PAPSS1: variants seen among roughly 807,000 people sequenced by gnomAD.
PAPSS1 encodes bifunctional 3'-phosphoadenosine 5'-phosphosulfate synthase 1.
A neutral mutation model predicts 72.0 loss-of-function variants in PAPSS1; 50 were observed. That is an observed-to-expected ratio of 0.69 (90% CI 0.55 to 0.88). The LOEUF (loss-of-function observed/expected upper bound fraction) is 0.88. Among genes scored for constraint, PAPSS1 ranks in the 40% least tolerant of loss-of-function variants. The probability of loss-of-function intolerance (pLI) is 0.00; values close to 1 mark genes in which losing one functional copy is unlikely to be tolerated. For synonymous variants in PAPSS1, 261 were observed against 263.6 expected, an observed-to-expected ratio of 0.99 and a Z score of 0.09; for missense variants, 657 against 782.2, an observed-to-expected ratio of 0.84 and a Z score of 1.91.
intron 5 of PAPSS1, among the ~76,000 whole-genome samples, chr4:107,675,193 C>A (rs891237124): frequency 3.5e-4 from 53 of 152,158 alleles, no homozygotes; most frequent in African/African-American, 1.3e-3. Flanking sequence ...CAGAGCAGAA[C>A]TGAAGGAAAC....
chr4:107,624,954 G>A (rs922164400), intron 11 of PAPSS1, among the ~76,000 whole-genome samples: 9 of 152,164 alleles, frequency 5.9e-5, no homozygotes, highest in Admixed American at 4.6e-4. Flanking sequence ...CACAAGAAAC[G>A]TTTCAGTGGT....
intron 11 of PAPSS1, among the ~76,000 whole-genome samples, chr4:107,616,934 C>T (rs1431772099): frequency 6.6e-6 from 1 of 152,144 alleles, no homozygotes; most frequent in Non-Finnish European, 1.5e-5. Flanking sequence ...ATAATGATCT[C>T]ATCAATAATC....
At chr4:107,620,147 A>G (rs1725918634) in intron 11 of PAPSS1, among the ~76,000 whole-genome samples, 1 of 152,238 alleles carries the variant, frequency 6.6e-6, no homozygotes, top group Non-Finnish European at 1.5e-5. Flanking sequence ...CGATTAGACC[A>G]GCTTTTTAAA....
intron 11 of PAPSS1, 24 bp from the exon 12 acceptor site, chr4:107,614,411 A>G: frequency 6.3e-7 from 1 of 1,575,714 alleles, no homozygotes. Context: ...AAAAAAGAAA[A>G]TTATTTCATA....
chr4:107,651,157 G>C (rs939473679), intron 9 of PAPSS1, among the ~76,000 whole-genome samples: 11 of 152,206 alleles, frequency 7.2e-5, no homozygotes, highest in African/African-American at 2.6e-4. Context: ...TCAAAATCAG[G>C]AGTAAAGTAT....
intron 2 of PAPSS1, among the ~76,000 whole-genome samples, chr4:107,698,659 A>G (rs917326204): frequency 6.6e-6 from 1 of 152,202 alleles, no homozygotes; most frequent in Non-Finnish European, 1.5e-5. Context: ...AGAAAAACCT[A>G]AACTGTAATT....
intron 11 of PAPSS1, among the ~76,000 whole-genome samples, chr4:107,630,324 T>C (rs139501345): frequency 1.3e-3 from 200 of 152,352 alleles, no homozygotes; most frequent in African/African-American, 4.5e-3. Context: ...CCCACACAAA[T>C]TCCATCTTGA....
chr4:107,673,817 A>G (rs1297854406), intron 5 of PAPSS1, among the ~76,000 whole-genome samples: 1 of 152,220 alleles, frequency 6.6e-6, no homozygotes, highest in Non-Finnish European at 1.5e-5. Context: ...GTTACCCAAA[A>G]AGGGAAGCCC....
chr4:107,678,389 G>A (rs1578416526), intron 5 of PAPSS1, among the ~76,000 whole-genome samples: 6 of 152,096 alleles, frequency 3.9e-5, no homozygotes. Flanking sequence ...CCAAAAGAGA[G>A]CATCACCTAA....
intron 9 of PAPSS1, among the ~76,000 whole-genome samples, chr4:107,649,294 C>T (rs1726779072): frequency 6.6e-6 from 1 of 152,248 alleles, no homozygotes; most frequent in South Asian, 2.1e-4. Context: ...CTGGCTGTGC[C>T]AGTGACCCTG....
Position 107,666,551 on chromosome 4 carries a change from G to A in PAPSS1, c.670-6479C>T, listed in dbSNP as rs546969690. On this transcript the variant is annotated intron_variant, in intron 5 of 11. Transcript: ENST00000265174. ...AGAGAAGGCAACCCAGAAAATGACAGAGAATTCTTAACTTTATGTAAAGTA... is the reference window on the plus strand; with the variant it reads ...AGAGAAGGCAACCCAGAAAATGACAAAGAATTCTTAACTTTATGTAAAGTA... Among the ~76,000 whole-genome samples, 4 of 152,272 alleles carry A rather than the reference G, an allele frequency of 2.6e-5. No individual in the cohort carries two copies. In the East Asian group the frequency reaches 7.7e-4, roughly 29 times the overall value.
At chr4:107,628,939 C>CTACCTG (rs1163938547) in intron 11 of PAPSS1, among the ~76,000 whole-genome samples, 5 of 152,180 alleles carry the variant, frequency 3.3e-5, no homozygotes, top group Admixed American at 6.5e-5. Context: ...ACAGAGTGTA[C>CTACCTG]TACCTATAGA....
chr4:107,705,691 T>C (rs1039564317), intron 1 of PAPSS1, among the ~76,000 whole-genome samples: 2 of 152,250 alleles, frequency 1.3e-5, no homozygotes, highest in African/African-American at 4.8e-5. Flanking sequence ...TTAACATTCA[T>C]ACCGGAGATA....
At chr4:107,709,315 A>G (rs1039370054) in intron 1 of PAPSS1, among the ~76,000 whole-genome samples, 4 of 152,232 alleles carry the variant, frequency 2.6e-5, no homozygotes, top group Non-Finnish European at 5.9e-5. Context: ...AATTGTTAAC[A>G]GTGAAAAAGA....
chr4:107,615,996 ATGTT>A (rs1725810766), intron 11 of PAPSS1, among the ~76,000 whole-genome samples: 1 of 152,162 alleles, frequency 6.6e-6, no homozygotes, highest in Admixed American at 6.5e-5. Flanking sequence ...TGAGAAATAA[ATGTT>A]TGTCATCTAA....
intron 6 of PAPSS1, among the ~76,000 whole-genome samples, chr4:107,657,638 T>C (rs1253039981): frequency 6.6e-6 from 1 of 151,926 alleles, no homozygotes; most frequent in Non-Finnish European, 1.5e-5. Context: ...TGAGGATTGC[T>C]TGGGCCAGGA....
chr4:107,637,025 T>G (rs953526604), intron 10 of PAPSS1, among the ~76,000 whole-genome samples: 1 of 152,150 alleles, frequency 6.6e-6, no homozygotes, highest in African/African-American at 2.4e-5. Flanking sequence ...TTTAAAAAAA[T>G]TTATCTATGA....
At chr4:107,638,555 G>A (rs139439095) in intron 10 of PAPSS1, among the ~76,000 whole-genome samples, 2 of 152,130 alleles carry the variant, frequency 1.3e-5, no homozygotes, top group African/African-American at 4.8e-5. Flanking sequence ...CCCTCCCAGA[G>A]TGGGGGCTCA....
intron 1 of PAPSS1, among the ~76,000 whole-genome samples, chr4:107,713,139 G>A (rs144760423): frequency 0.036 from 5,439 of 151,802 alleles, 337 homozygotes; most frequent in African/African-American, 0.12. Flanking sequence ...TAGTAGAGAC[G>A]AGGTTTCACC....
Sources: gnomAD v4.1 joint callset for allele counts (sites outside exome capture counted in the v4.1 genomes callset) on GRCh38, gnomAD v4.1.1 for gene constraint, MANE v1.5 for transcripts, NCBI Gene and HGNC (gene_info 2026-07-23, HGNC 2026-07-21) for gene names.